ERBIN: variants seen among roughly 807,000 people sequenced by gnomAD.
The protein encoded by ERBIN is densin-180-like protein.
A neutral mutation model predicts 158.4 loss-of-function variants in ERBIN; 60 were observed. That is an observed-to-expected ratio of 0.38 (90% CI 0.31 to 0.47). The LOEUF (loss-of-function observed/expected upper bound fraction) is 0.47. ERBIN is among the 20% of genes least tolerant of loss of function. The pLI, the probability that ERBIN is intolerant of heterozygous loss-of-function variation, is 0.99. For synonymous variants in ERBIN, 594 were observed against 557.2 expected (o/e 1.07, Z -0.93); for missense variants, 1,610 against 1,648.0 (o/e 0.98, Z 0.40).
At position 65,992,911 on chromosome 5, in the gene ERBIN, T is replaced by C; in HGVS notation, c.189+4T>C. The stretch of plus-strand genomic sequence containing the variant: ...TCAGATTGAAGAGCTTCCAAAGGTA[T>C]GCTAATACTTTCTTTCAAGAATTAT... On this transcript the variant is annotated splice_donor_region_variant and intron_variant, in intron 3 of 25. Transcript: ENST00000284037. The C allele has an allele frequency of 6.5e-7, 1 of 1,542,524 alleles. No homozygotes were observed.
At chr5:66,062,048 C>G (rs1760442516) in intron 21 of ERBIN, among the ~76,000 whole-genome samples, 1 of 152,094 alleles carries the variant, frequency 6.6e-6, no homozygotes, top group Non-Finnish European at 1.5e-5. Flanking sequence ...CGAGGAGTAT[C>G]TTTGTGGCGT....
intron 18 of ERBIN, 144 bp from the exon 19 acceptor site, chr5:66,048,523 G>T: frequency 1.6e-6 from 1 of 612,484 alleles, no homozygotes; most frequent in Non-Finnish European, 2.9e-6. Context: ...TGGAAGGACT[G>T]GTTGTTATTT....
chr5:65,945,983 TTTTA>T (rs1336323413), intron 1 of ERBIN, among the ~76,000 whole-genome samples: 1 of 152,150 alleles, frequency 6.6e-6, no homozygotes, highest in African/African-American at 2.4e-5. Flanking sequence ...TGTTTTTTAT[TTTTA>T]TTTTTTATTT....
chr5:66,077,783 C>CAT (rs1413181097), intron 25 of ERBIN, among the ~76,000 whole-genome samples: 1 of 128,780 alleles, frequency 7.8e-6, no homozygotes, highest in Non-Finnish European at 1.7e-5. Context: ...CACACACACA[C>CAT]ACACACACAC....
intron 21 of ERBIN, among the ~76,000 whole-genome samples, chr5:66,059,974 A>T (rs1270388722): frequency 1.3e-5 from 2 of 152,218 alleles, no homozygotes; most frequent in African/African-American, 4.8e-5. Context: ...ATCAATGTTC[A>T]TCAAGGATAT....
chr5:65,986,305 A>G (rs1751227400), intron 1 of ERBIN, among the ~76,000 whole-genome samples: 1 of 152,116 alleles, frequency 6.6e-6, no homozygotes, highest in Non-Finnish European at 1.5e-5. Context: ...CCTTGCTCCT[A>G]CCATGGTCTT....
intron 1 of ERBIN, among the ~76,000 whole-genome samples, chr5:65,962,713 A>G (rs1748059006): frequency 6.6e-6 from 1 of 152,186 alleles, no homozygotes; most frequent in Non-Finnish European, 1.5e-5. Flanking sequence ...AAGATAAACA[A>G]GTAATACTTG....
intron 1 of ERBIN, among the ~76,000 whole-genome samples, chr5:65,934,253 A>G (rs146855472): frequency 6.6e-6 from 1 of 152,232 alleles, no homozygotes; most frequent in African/African-American, 2.4e-5. Context: ...TCTCCTGCAT[A>G]TAATGACATC....
At chr5:65,956,372 A>AT (rs1200098319) in intron 1 of ERBIN, among the ~76,000 whole-genome samples, 2,468 of 121,574 alleles carry the variant, frequency 0.02, 40 homozygotes, top group African/African-American at 0.024. Context: ...CTTTCAGGTG[A>AT]TTTTTTTTTT....
At chr5:66,076,655 C>A in intron 24 of ERBIN, 1 of 598,034 alleles carries the variant, frequency 1.7e-6, no homozygotes, top group South Asian at 2.3e-5. Context: ...CTTTTTCACA[C>A]ACCTATAAAA....
chr5:66,002,965 C>G (rs562881174), intron 4 of ERBIN, among the ~76,000 whole-genome samples: 3 of 152,274 alleles, frequency 2.0e-5, no homozygotes, highest in East Asian at 3.9e-4. Context: ...TGGCCACTGC[C>G]AAGTGTTTTG....
At chr5:66,068,281 G>A (rs1753650583) in intron 21 of ERBIN, among the ~76,000 whole-genome samples, 1 of 151,820 alleles carries the variant, frequency 6.6e-6, no homozygotes, top group Non-Finnish European at 1.5e-5. Flanking sequence ...AAGCTGCAGT[G>A]AGCCAGGAGC....
chr5:66,021,882 A>G (rs1271851972), intron 8 of ERBIN, among the ~76,000 whole-genome samples: 1 of 152,130 alleles, frequency 6.6e-6, no homozygotes, highest in African/African-American at 2.4e-5. Context: ...CAAGTGCGCT[A>G]TGAAGCTGAC....
intron 1 of ERBIN, among the ~76,000 whole-genome samples, chr5:65,959,859 T>C (rs147038251): frequency 6.6e-6 from 1 of 152,264 alleles, no homozygotes; most frequent in East Asian, 1.9e-4. Context: ...CAGACAAAAA[T>C]GTTAGAATAC....
chr5:66,014,007 TG>T (rs1279803093), intron 6 of ERBIN, among the ~76,000 whole-genome samples: 2 of 152,172 alleles, frequency 1.3e-5, no homozygotes, highest in Non-Finnish European at 2.9e-5. Context: ...AATCTGTTTC[TG>T]GGGGCGACCT....
At chr5:66,059,101 G>A (rs1009088650) in intron 21 of ERBIN, among the ~76,000 whole-genome samples, 5 of 152,138 alleles carry the variant, frequency 3.3e-5, no homozygotes, top group African/African-American at 9.7e-5. Flanking sequence ...GATGGGGATG[G>A]CATTGAATCT....
intron 4 of ERBIN, among the ~76,000 whole-genome samples, chr5:66,011,049 T>C (rs554464680): frequency 1.3e-5 from 2 of 152,364 alleles, no homozygotes; most frequent in East Asian, 3.9e-4. Context: ...GGAAAAGCAC[T>C]GGTCTAGGAT....
intron 1 of ERBIN, among the ~76,000 whole-genome samples, chr5:65,976,021 GA>G (rs1461787858): frequency 1.3e-5 from 2 of 152,170 alleles, no homozygotes; most frequent in Admixed American, 6.5e-5. Context: ...ATTCATGGAG[GA>G]AAAGAAGTTG....
In ERBIN at chr5:66,038,558, A is replaced by G. The variant is rs1022956374; in HGVS notation, c.1306+76A>G. 4.5e-6 allele frequency: 5 copies of G among 1,122,568 alleles called. No individual in the cohort carries two copies. In the African/African-American group the frequency reaches 7.9e-5, roughly 18 times the overall value. 69.5% of individuals were successfully genotyped at this position (1,122,568 alleles called of 1,614,324 possible). On this transcript the variant is annotated intron_variant, in intron 15 of 25. Transcript: ENST00000284037. ...AGGTGTGAAGTGAACTTTAAGTCTC[A>G]GAGACTTTTACCAGTTTGATGGGAC...
Sources: allele counts gnomAD v4.1 joint callset (sites outside exome capture counted in the v4.1 genomes callset), GRCh38; gene constraint gnomAD v4.1.1; transcripts MANE v1.5; gene names NCBI Gene and HGNC (gene_info 2026-07-23, HGNC 2026-07-21).